Variants in CHN2 observed in about 807,000 individuals in gnomAD.
The protein encoded by CHN2 is beta-chimaerin.
A neutral mutation model predicts 56.3 loss-of-function variants in CHN2; 35 were observed. The ratio of observed to expected loss-of-function variants is 0.62; its 90% CI spans 0.47 to 0.82. The LOEUF (loss-of-function observed/expected upper bound fraction) is 0.82, where lower values mean the gene tolerates loss of function less well. Among genes scored for constraint, CHN2 ranks in the 40% least tolerant of loss-of-function variants. The pLI is 0.00. For synonymous variants in CHN2, 210 were observed against 212.8 expected, an observed-to-expected ratio of 0.99 and a Z score of 0.12; for missense variants, 491 against 580.5, an observed-to-expected ratio of 0.85 and a Z score of 1.58.
chr7:29,502,053 A>G (rs1790027418), intron 9 of CHN2, among the ~76,000 whole-genome samples: 2 of 152,202 alleles, frequency 1.3e-5, no homozygotes, highest in South Asian at 4.1e-4. Context: ...ACAATGTCCA[A>G]TCTACTGAAC....
intron 2 of CHN2, among the ~76,000 whole-genome samples, chr7:29,185,818 C>T (rs1271129100): frequency 6.6e-6 from 1 of 152,068 alleles, no homozygotes; most frequent in East Asian, 1.9e-4. Context: ...AGGGGCCTGC[C>T]CCTGGATGTG....
intron 1 of CHN2, among the ~76,000 whole-genome samples, chr7:29,252,568 T>C (rs1469023841): frequency 9.7e-6 from 1 of 102,630 alleles, no homozygotes; most frequent in South Asian, 3.0e-4. Context: ...TGTCTAAAAT[T>C]GCATTCTTTG....
chr7:29,211,998 C>T (rs39054), intron 1 of CHN2, among the ~76,000 whole-genome samples: 68,482 of 152,048 alleles, frequency 0.45, 16,529 homozygotes, highest in Admixed American at 0.54. Context: ...GGTTTCACTT[C>T]CACTCCATCC....
chr7:29,454,789 G>A (rs849930), intron 6 of CHN2, among the ~76,000 whole-genome samples: 93 of 152,228 alleles, frequency 6.1e-4, no homozygotes, highest in African/African-American at 1.8e-3. Flanking sequence ...ACGTGACTAC[G>A]TGCATTTGTC....
At chr7:29,368,804 A>G (rs920170813) in intron 3 of CHN2, among the ~76,000 whole-genome samples, 2 of 152,158 alleles carry the variant, frequency 1.3e-5, no homozygotes, top group Admixed American at 1.3e-4. Context: ...CTCAGAGCCA[A>G]GTTATCATGG....
intron 1 of CHN2, among the ~76,000 whole-genome samples, chr7:29,211,094 G>A (rs1372753684): frequency 4.0e-5 from 6 of 151,598 alleles, no homozygotes; most frequent in Admixed American, 2.6e-4. Context: ...TTGTTGAGAC[G>A]GAGTCTCGCT....
At chr7:29,328,812 A>G (rs1795998501) in intron 1 of CHN2, among the ~76,000 whole-genome samples, 1 of 152,202 alleles carries the variant, frequency 6.6e-6, no homozygotes, top group South Asian at 2.1e-4. Context: ...ATAGCCTAAA[A>G]TGACAAGTCG....
At chr7:29,157,452 G>C (rs1794554014) in intron 2 of CHN2, among the ~76,000 whole-genome samples, 1 of 37,144 alleles carries the variant, frequency 2.7e-5, no homozygotes, top group Non-Finnish European at 4.6e-5. Context: ...CACTAAGCTG[G>C]AAACTTTAAA....
intron 1 of CHN2, among the ~76,000 whole-genome samples, chr7:29,349,569 TACAC>T (rs541496625): frequency 1.4e-4 from 22 of 152,208 alleles, no homozygotes; most frequent in Non-Finnish European, 3.1e-4. Flanking sequence ...GGTTTACTCT[TACAC>T]ACAGCAGAGC....
At chr7:29,344,183 G>T (rs762813824) in intron 1 of CHN2, among the ~76,000 whole-genome samples, 3 of 152,082 alleles carry the variant, frequency 2.0e-5, no homozygotes, top group Non-Finnish European at 4.4e-5. Context: ...TTCAAGTTCA[G>T]ATCATTAATG....
intron 6 of CHN2, among the ~76,000 whole-genome samples, chr7:29,415,313 A>C (rs999829581): frequency 6.6e-5 from 10 of 152,348 alleles, no homozygotes; most frequent in Non-Finnish European, 1.2e-4. Context: ...GAATGAAGCC[A>C]TGGAAGAAAG....
intron 2 of CHN2, among the ~76,000 whole-genome samples, chr7:29,367,394 AG>A (rs951378879): frequency 6.6e-6 from 1 of 151,804 alleles, no homozygotes; most frequent in African/African-American, 2.4e-5. Flanking sequence ...TGTGATAGAC[AG>A]GGGGAAAATG....
At chr7:29,451,048 C>T (rs535073304) in intron 6 of CHN2, among the ~76,000 whole-genome samples, 23 of 152,224 alleles carry the variant, frequency 1.5e-4, no homozygotes, top group East Asian at 5.8e-4. Context: ...GGATTATAGG[C>T]GTGAGCCATC....
At chr7:29,365,878 G>A (rs2128038584) in intron 2 of CHN2, among the ~76,000 whole-genome samples, 1 of 152,332 alleles carries the variant, frequency 6.6e-6, no homozygotes, top group Non-Finnish European at 1.5e-5. Flanking sequence ...AGGCTGCAGG[G>A]TGGGAAGAGT....
At chr7:29,165,009 CT>C (rs1757443449) in intron 2 of CHN2, among the ~76,000 whole-genome samples, 2 of 151,950 alleles carry the variant, frequency 1.3e-5, no homozygotes, top group South Asian at 4.1e-4. Context: ...CAACTTTATT[CT>C]TTTTCAGATG....
At chr7:29,512,522 C>G (rs1791603507) in intron 12 of CHN2, 42 bp from the exon 13 acceptor site, 5 of 1,538,534 alleles carry the variant, frequency 3.2e-6, no homozygotes, top group Non-Finnish European at 3.5e-6. Flanking sequence ...AATCAATCCT[C>G]AAGTCTCCAT....
intron 1 of CHN2, among the ~76,000 whole-genome samples, chr7:29,285,739 T>C (rs1378880160): frequency 1.3e-5 from 2 of 152,228 alleles, no homozygotes; most frequent in African/African-American, 4.8e-5. Context: ...CTGGTGCATA[T>C]CTTGGATGAT....
intron 1 of CHN2, among the ~76,000 whole-genome samples, chr7:29,324,088 G>C (rs1347248892): frequency 6.6e-6 from 1 of 152,090 alleles, no homozygotes; most frequent in African/African-American, 2.4e-5. Context: ...TCACTTTTGG[G>C]AGGTGGGGGG....
chr7:29,466,759 C>T (rs1785584249), intron 6 of CHN2, among the ~76,000 whole-genome samples: 1 of 152,176 alleles, frequency 6.6e-6, no homozygotes, highest in Non-Finnish European at 1.5e-5. Flanking sequence ...TATTCAGTTT[C>T]TAGTTTTGTT....
Sources: gnomAD v4.1 joint callset for allele counts (sites outside exome capture counted in the v4.1 genomes callset) on GRCh38, gnomAD v4.1.1 for gene constraint, MANE v1.5 for transcripts, NCBI Gene and HGNC (gene_info 2026-07-23, HGNC 2026-07-21) for gene names.